Variants in NALCN observed in about 807,000 individuals in gnomAD.
NALCN encodes sodium leak channel, non-selective.
NALCN carries 111 observed loss-of-function variants against 225.3 expected under a neutral mutation model. The observed-to-expected ratio is 0.49, with a 90% CI of 0.42 to 0.58. The LOEUF (loss-of-function observed/expected upper bound fraction) is 0.58. Among genes scored for constraint, NALCN ranks in the 20% least tolerant of loss-of-function variants. The pLI is 0.00. For missense variants in NALCN, 1,378 were observed against 2,202.4 expected, an observed-to-expected ratio of 0.63 and a Z score of 7.49; for synonymous variants, 764 against 769.0, an observed-to-expected ratio of 0.99 and a Z score of 0.11.
chr13:101,175,356 A>T (rs982314418), intron 15 of NALCN, among the ~76,000 whole-genome samples: 15 of 152,018 alleles, frequency 9.9e-5, no homozygotes, highest in African/African-American at 1.7e-4. Context: ...GAGATAGATT[A>T]AAAAAAATTA....
intron 13 of NALCN, among the ~76,000 whole-genome samples, chr13:101,223,226 T>G (rs1381356606): frequency 1.3e-5 from 2 of 152,124 alleles, no homozygotes; most frequent in Non-Finnish European, 2.9e-5. Flanking sequence ...AAAGGAACAG[T>G]TAAAAGCCAT....
At chr13:101,375,865 A>G (rs749845586) in intron 6 of NALCN, among the ~76,000 whole-genome samples, 1 of 151,918 alleles carries the variant, frequency 6.6e-6, no homozygotes, top group Non-Finnish European at 1.5e-5. Context: ...TCTAGCTAAC[A>G]CCTAATGGGA....
At chr13:101,128,387 A>G (rs1242371708) in intron 17 of NALCN, among the ~76,000 whole-genome samples, 1 of 152,216 alleles carries the variant, frequency 6.6e-6, no homozygotes, top group African/African-American at 2.4e-5. Flanking sequence ...CTTCAACTCA[A>G]TTCCCATAGA....
intron 14 of NALCN, chr13:101,180,381 T>TA (rs2039152994): frequency 7.4e-6 from 1 of 135,128 alleles, no homozygotes; most frequent in South Asian, 2.5e-4. Context: ...ACTTTTTTTT[T>TA]TTTTTTTATT....
intron 13 of NALCN, among the ~76,000 whole-genome samples, chr13:101,203,602 G>T (rs1452086405): frequency 6.6e-6 from 1 of 152,074 alleles, no homozygotes; most frequent in African/African-American, 2.4e-5. Context: ...AAATTATAAA[G>T]GATAAACTAT....
intron 7 of NALCN, among the ~76,000 whole-genome samples, chr13:101,301,760 C>T (rs1276711396): frequency 1.3e-5 from 2 of 151,700 alleles, no homozygotes; most frequent in African/African-American, 2.4e-5. Flanking sequence ...AAACAAAACC[C>T]TACGCTTTGC....
At chr13:101,259,749 T>TAC (rs1367742932) in intron 10 of NALCN, among the ~76,000 whole-genome samples, 55 of 70,692 alleles carry the variant, frequency 7.8e-4, no homozygotes, top group East Asian at 6.7e-3. Context: ...TATATATATA[T>TAC]ATACACACAC....
chr13:101,062,223 AGT>A, intron 40 of NALCN, 105 bp from the exon 41 acceptor site: 1 of 1,383,272 alleles, frequency 7.2e-7, no homozygotes, highest in Non-Finnish European at 9.8e-7. Flanking sequence ...TAATAAGTCT[AGT>A]GTTTTGACGC....
chr13:101,280,448 T>C (rs2043129855), intron 10 of NALCN, among the ~76,000 whole-genome samples: 1 of 152,206 alleles, frequency 6.6e-6, no homozygotes, highest in East Asian at 1.9e-4. Context: ...CCTTGCTCGA[T>C]TTTGTCATCA....
At position 101,416,495 on chromosome 13, in the gene NALCN, C is replaced by G. The variant is rs2047953811; in HGVS notation, c.-222G>C. 6.6e-6 allele frequency: 1 copy of G among 151,866 alleles called. No homozygotes were observed. The allele number at this position is 151,866 out of a possible 1,614,324, so 9.4% of individuals were successfully genotyped here. On this transcript the variant is annotated 5_prime_UTR_variant, in exon 1 of 44. Transcript: ENST00000251127. Reference sequence around the variant, plus strand: ...CGGCTGGGGCCGCGGCTCACGCTCGCCGTGTCACTCACTGAGCGCCGCCGC... The same window carrying G: ...CGGCTGGGGCCGCGGCTCACGCTCGGCGTGTCACTCACTGAGCGCCGCCGC...
intron 3 of NALCN, among the ~76,000 whole-genome samples, chr13:101,382,514 A>G (rs1196468277): frequency 6.6e-6 from 1 of 152,154 alleles, no homozygotes. Flanking sequence ...GGCCTCACCA[A>G]TTCAGAATGA....
chr13:101,073,746 G>T, intron 36 of NALCN, 69 bp from the exon 37 acceptor site: 3 of 1,350,968 alleles, frequency 2.2e-6, no homozygotes, highest in South Asian at 1.3e-5. Flanking sequence ...AGCATGGTTT[G>T]CCAACACCAA....
chr13:101,412,944 A>T (rs2047831984), intron 1 of NALCN, among the ~76,000 whole-genome samples: 5 of 152,020 alleles, frequency 3.3e-5, no homozygotes, highest in Admixed American at 3.3e-4. Flanking sequence ...TAGTATTCCT[A>T]TTTTGGCTTT....
intron 10 of NALCN, among the ~76,000 whole-genome samples, chr13:101,263,399 C>T (rs2042496748): frequency 6.6e-6 from 1 of 152,154 alleles, no homozygotes; most frequent in Non-Finnish European, 1.5e-5. Flanking sequence ...AATTCCATTA[C>T]TATTATTCCT....
chr13:101,191,669 C>A (rs2039686176), intron 14 of NALCN, among the ~76,000 whole-genome samples: 1 of 152,144 alleles, frequency 6.6e-6, no homozygotes, highest in South Asian at 2.1e-4. Context: ...GTGAGATTTT[C>A]ATTTTGTTCT....
intron 3 of NALCN, among the ~76,000 whole-genome samples, chr13:101,390,345 GAA>G (rs1356458197): frequency 1.3e-5 from 2 of 152,000 alleles, no homozygotes; most frequent in African/African-American, 2.4e-5. Flanking sequence ...AAAGAGGAGT[GAA>G]ATACAGGGGA....
intron 4 of NALCN, among the ~76,000 whole-genome samples, chr13:101,377,569 T>A (rs1206191453): frequency 2.6e-5 from 4 of 152,080 alleles, no homozygotes; most frequent in Non-Finnish European, 5.9e-5. Flanking sequence ...ATTAAAAAAA[T>A]ATATGAGTGA....
At chr13:101,112,224 G>A (rs1305786918) in intron 18 of NALCN, among the ~76,000 whole-genome samples, 1 of 149,804 alleles carries the variant, frequency 6.7e-6, no homozygotes. Context: ...CACAGTTTTT[G>A]GAATTATTAC....
intron 7 of NALCN, among the ~76,000 whole-genome samples, chr13:101,328,388 T>C (rs1398952801): frequency 2.0e-5 from 3 of 152,146 alleles, no homozygotes; most frequent in Non-Finnish European, 4.4e-5. Context: ...CTCGGCTCAT[T>C]GCAACCTCTG....
Sources: allele counts gnomAD v4.1 joint callset (sites outside exome capture counted in the v4.1 genomes callset), GRCh38; gene constraint gnomAD v4.1.1; transcripts MANE v1.5; gene names NCBI Gene and HGNC (gene_info 2026-07-23, HGNC 2026-07-21).